STAU2: variants seen among roughly 807,000 people sequenced by gnomAD.
The protein encoded by STAU2 is staufen double-stranded RNA binding protein 2.
Under a neutral mutation model 65.9 loss-of-function variants are expected in STAU2, and 20 were observed. The observed-to-expected ratio is 0.30, with a 90% CI of 0.21 to 0.44. The LOEUF (loss-of-function observed/expected upper bound fraction) is 0.44. Among genes scored for constraint, STAU2 ranks in the 20% least tolerant of loss-of-function variants. STAU2 has a pLI of 1.00. For synonymous variants in STAU2, 232 were observed against 233.9 expected (o/e 0.99, Z 0.07); for missense variants, 558 against 683.9 (o/e 0.82, Z 2.05).
rs1354219237 is a variant in STAU2 at position 73,579,207 on chromosome 8, A to G, written c.1222+3563T>C. On this transcript the variant is annotated intron_variant, in intron 12 of 14. Coordinates refer to ENST00000524300, the MANE Select transcript of STAU2 (RefSeq NM_001164380.2). ...AAGAGGTCAATAAGAATGCTATCTCATTCCACAAGTATTTGTCTTTGGTCA... is the reference window on the plus strand; with the variant it reads ...AAGAGGTCAATAAGAATGCTATCTCGTTCCACAAGTATTTGTCTTTGGTCA... Among the ~76,000 whole-genome samples the G allele has an allele frequency of 2.0e-5, 3 of 152,216 alleles. No individual in the cohort carries two copies. In the South Asian group the frequency reaches 6.2e-4, roughly 32 times the overall value.
intron 6 of STAU2, among the ~76,000 whole-genome samples, chr8:73,659,834 T>G (rs1412051519): frequency 1.3e-5 from 2 of 152,212 alleles, no homozygotes; most frequent in Non-Finnish European, 2.9e-5. Flanking sequence ...GACCCCTTGT[T>G]GTAAAAACAT....
In STAU2 at chr8:73,613,424, G is replaced by A. The variant is rs546296598; in HGVS notation, c.891+320C>T. Among the ~76,000 whole-genome samples the A allele has an allele frequency of 8.4e-4, 128 of 152,306 alleles. 1 individual carries two copies. Among genetic ancestry groups the A allele is most frequent in the African/African-American group, 2.9e-3 (122 of 41,574 alleles). On this transcript the variant is annotated intron_variant, in intron 9 of 14. Transcript: ENST00000524300. The stretch of plus-strand genomic sequence containing the variant: ...TTTTGTAAAATCTTATTTGTAAAAT[G>A]AGGGCTAACATCATCTACCTTATAC...
At chr8:73,678,445 AT>A (rs1296886463) in intron 5 of STAU2, among the ~76,000 whole-genome samples, 3 of 152,146 alleles carry the variant, frequency 2.0e-5, no homozygotes, top group Non-Finnish European at 4.4e-5. Context: ...TGGCTAAAAT[AT>A]TCTTTCCTCT....
chr8:73,629,917 CTAAT>C (rs1813966961), intron 6 of STAU2, among the ~76,000 whole-genome samples: 1 of 152,062 alleles, frequency 6.6e-6, no homozygotes, highest in African/African-American at 2.4e-5. Context: ...CCACACTTGG[CTAAT>C]TTTTTTTTAT....
Position 73,425,074 on chromosome 8 carries a change from G to T in STAU2, c.1531-2372C>A, listed in dbSNP as rs1816697223. On this transcript the variant is annotated intron_variant, in intron 13 of 14. Transcript: ENST00000524300. ...GGGAGGTAGGCGCTAACTTCAGTGG[G>T]GTGGGAGCTGTGTGGCCATCTCCCT... Among the ~76,000 whole-genome samples the T allele has an allele frequency of 2.0e-5, 3 of 152,160 alleles. No homozygotes were observed. The South Asian group carries it at 6.2e-4, about 32-fold the overall frequency.
intron 13 of STAU2, among the ~76,000 whole-genome samples, chr8:73,540,800 T>C (rs987355550): frequency 6.6e-6 from 1 of 152,104 alleles, no homozygotes; most frequent in African/African-American, 2.4e-5. Context: ...TCAAAATGTA[T>C]GCAGTAAGAA....
intron 6 of STAU2, 86 bp downstream of exon 6, chr8:73,673,021 A>C: frequency 7.9e-7 from 1 of 1,259,962 alleles, no homozygotes; most frequent in East Asian, 2.6e-5. Context: ...TTAGATTTAC[A>C]ATGAAAATAC....
chr8:73,647,703 C>T (rs1338352463), intron 6 of STAU2, among the ~76,000 whole-genome samples: 1 of 151,866 alleles, frequency 6.6e-6, no homozygotes, highest in Non-Finnish European at 1.5e-5. Context: ...CTCAGCCTCC[C>T]AAGTAGCCAG....
chr8:73,614,992 A>G (rs1267751217), intron 8 of STAU2, among the ~76,000 whole-genome samples: 1 of 152,164 alleles, frequency 6.6e-6, no homozygotes, highest in Non-Finnish European at 1.5e-5. Context: ...AATGAGTAAG[A>G]TGTGGGAGCT....
At chr8:73,739,657 A>T in intron 2 of STAU2, 99 bp downstream of exon 2, 1 of 988,184 alleles carries the variant, frequency 1.0e-6, no homozygotes, top group African/African-American at 1.7e-5. Context: ...TTTATTTTCT[A>T]ATTACTGTCA....
At chr8:73,592,254 A>G (rs1810878548) in intron 11 of STAU2, among the ~76,000 whole-genome samples, 1 of 152,044 alleles carries the variant, frequency 6.6e-6, no homozygotes, top group African/African-American at 2.4e-5. Flanking sequence ...TAAATGATCA[A>G]TATCAGAAAT....
chr8:73,439,041 T>C (rs967831522), intron 13 of STAU2: 19 of 456,586 alleles, frequency 4.2e-5, no homozygotes, highest in Admixed American at 1.2e-4. Context: ...CATCCTACCA[T>C]GGGAATTAAC....
intron 13 of STAU2, chr8:73,439,178 G>T: frequency 2.6e-6 from 1 of 381,054 alleles, no homozygotes; most frequent in South Asian, 2.0e-5. Flanking sequence ...CTCCACCCTG[G>T]CTGATGCGCA....
intron 6 of STAU2, among the ~76,000 whole-genome samples, chr8:73,658,329 T>C (rs76601300): frequency 0.28 from 41,860 of 151,916 alleles, 6,264 homozygotes; most frequent in East Asian, 0.46. Flanking sequence ...GATCGTGCTA[T>C]TGCATTCCAG....
intron 13 of STAU2, among the ~76,000 whole-genome samples, chr8:73,495,998 T>C (rs1326372865): frequency 4.6e-5 from 7 of 151,570 alleles, no homozygotes; most frequent in Non-Finnish European, 1.0e-4. Context: ...TAACTTGTAG[T>C]TATTTCTAAA....
intron 2 of STAU2, among the ~76,000 whole-genome samples, chr8:73,739,301 CAAAT>C (rs1209791050): frequency 4.1e-5 from 6 of 147,960 alleles, no homozygotes; most frequent in Admixed American, 6.7e-5. Flanking sequence ...GTCCAAATTA[CAAAT>C]AAATAAATCA....
chr8:73,438,638 C>T (rs1268265879), intron 13 of STAU2, among the ~76,000 whole-genome samples: 1 of 152,214 alleles, frequency 6.6e-6, no homozygotes, highest in Non-Finnish European at 1.5e-5. Flanking sequence ...GATTCGGGCT[C>T]AAAACAGGAA....
At chr8:73,446,302 A>G (rs560253074) in intron 13 of STAU2, among the ~76,000 whole-genome samples, 81 of 152,336 alleles carry the variant, frequency 5.3e-4, no homozygotes, top group African/African-American at 1.8e-3. Flanking sequence ...AGTAGGTGTG[A>G]GGGGAGAATA....
At chr8:73,726,777 CTA>C (rs1438958918) in intron 3 of STAU2, among the ~76,000 whole-genome samples, 1 of 152,138 alleles carries the variant, frequency 6.6e-6, no homozygotes, top group Admixed American at 6.6e-5. Flanking sequence ...AGAACTGTTT[CTA>C]TATCTTTGTC....
Sources: gnomAD v4.1 joint callset for allele counts (sites outside exome capture counted in the v4.1 genomes callset) on GRCh38, gnomAD v4.1.1 for gene constraint, MANE v1.5 for transcripts, NCBI Gene and HGNC (gene_info 2026-07-23, HGNC 2026-07-21) for gene names.